The following HNRNPA2B1 variants were observed in gnomAD, a reference collection of about 807,000 sequenced individuals.
HNRNPA2B1 encodes the protein heterogeneous nuclear ribonucleoproteins A2/B1.
In HNRNPA2B1, 3 loss-of-function variants were observed where a neutral mutation model predicts 46.3. That is an observed-to-expected ratio of 0.06 (90% CI 0.03 to 0.17). The LOEUF (loss-of-function observed/expected upper bound fraction) is 0.17. HNRNPA2B1 is among the 10% of genes least tolerant of loss of function. HNRNPA2B1 has a pLI of 1.00. For missense variants in HNRNPA2B1, 221 were observed against 418.9 expected (o/e 0.53, Z 4.12); for synonymous variants, 225 against 133.8 (o/e 1.68, Z -4.70).
chr7:26,195,285 G>C lies in HNRNPA2B1; in HGVS notation c.721+562C>G, dbSNP rs1024688301. ...AGAAATCAAGTCTATTACCAGCTCAGTTTTAAATGTCCCTTGTTACAAAAT... is the reference window on the plus strand; with the variant it reads ...AGAAATCAAGTCTATTACCAGCTCACTTTTAAATGTCCCTTGTTACAAAAT... On this transcript the variant is annotated intron_variant, in intron 7 of 10. Coordinates refer to ENST00000618183, the MANE Select transcript of HNRNPA2B1 (RefSeq NM_002137.4). Among the ~76,000 whole-genome samples the C allele has an allele frequency of 2.6e-5, 4 of 152,246 alleles. No individual in the cohort carries two copies. The South Asian group carries it at 6.2e-4, about 24-fold the overall frequency.
rs1439633144 is a variant in HNRNPA2B1, at chr7:26,189,974, C to T, written c.*2386G>A. The stretch of plus-strand genomic sequence containing the variant: ...TTTATTGGGGACAGCCAATAATGTC[C>T]ACAATGCTCTTCTCATTTACCTGTT... On this transcript the variant is annotated 3_prime_UTR_variant, in exon 11 of 11. Transcript: ENST00000618183. The T allele has an allele frequency of 2.0e-5, 3 of 152,140 alleles. No individual in the cohort carries two copies. Among genetic ancestry groups the T allele is most frequent in the Non-Finnish European group, 4.4e-5 (3 of 68,016 alleles). 9.4% of individuals were successfully genotyped at this position (152,140 alleles called of 1,614,324 possible). A position where few individuals can be genotyped will look rare whatever the true frequency, so the allele number is the denominator to read the frequency against.
chr7:26,197,032 G>A lies in HNRNPA2B1; in HGVS notation c.265-15C>T, dbSNP rs780521053. ...TTTCCAGATTCCTAAAATAGTGGTG[G>A]GGTAAAAGTCATCCAAACAGAAAAA... is the stretch of plus-strand genomic sequence containing the variant. On this transcript the variant is annotated splice_polypyrimidine_tract_variant and intron_variant, in intron 3 of 10. Coordinates refer to ENST00000618183, the MANE Select transcript of HNRNPA2B1 (RefSeq NM_002137.4). 5.7e-6 allele frequency: 9 copies of A among 1,587,952 alleles called. No homozygotes were observed. Among genetic ancestry groups the A allele is most frequent in the Non-Finnish European group, 4.3e-6 (5 of 1,161,668 alleles).
chr7:26,197,857 C>T, intron 1 of HNRNPA2B1, 125 bp from the exon 2 acceptor site: 1 of 1,594,156 alleles, frequency 6.3e-7, no homozygotes, highest in Non-Finnish European at 8.5e-7. Flanking sequence ...GGAACAGTTT[C>T]TAAAGTTTTC....
chr7:26,200,366 A>G, intron 1 of HNRNPA2B1: 1 of 634,096 alleles, frequency 1.6e-6, no homozygotes, highest in South Asian at 1.8e-5. Context: ...GTGAAGGGAA[A>G]TGGCGCCGGG....
chr7:26,193,265 C>A lies in HNRNPA2B1; in HGVS notation c.950G>T (p.Gly317Val). 3 of 1,612,470 alleles carry A rather than the reference C, an allele frequency of 1.9e-6. No individual in the cohort carries two copies. Among genetic ancestry groups the A allele is most frequent in the Non-Finnish European group, 2.5e-6 (3 of 1,179,064 alleles). ...TTATAAATTACCTCCACCATATGGT[C>A]CCCCCATGTTCCTGCTACCACCAAA... ...GNFGGSRNMG[G>V]PYGGGNYGPG... Residue 317 changes from glycine (G) to valine (V), a missense_variant, in exon 9 of 11, where the codon GGA becomes GTA. Transcript: ENST00000618183.
intron 1 of HNRNPA2B1, chr7:26,198,198 T>C (rs1476770189): frequency 4.8e-6 from 1 of 209,692 alleles, no homozygotes; most frequent in Admixed American, 5.8e-5. Flanking sequence ...AAAGTTTTTA[T>C]TTCACTATTC....
At chr7:26,194,877 C>T (rs1371361377) in intron 7 of HNRNPA2B1, among the ~76,000 whole-genome samples, 4 of 151,442 alleles carry the variant, frequency 2.6e-5, no homozygotes, top group African/African-American at 4.9e-5. Context: ...GGGCAGTTCA[C>T]GAGGTCAGGA....
At chr7:26,196,185 A>G (rs907218524) in intron 6 of HNRNPA2B1, among the ~76,000 whole-genome samples, 2 of 152,234 alleles carry the variant, frequency 1.3e-5, no homozygotes, top group African/African-American at 4.8e-5. Context: ...ATGACACTTC[A>G]TGTTACATTA....
In HNRNPA2B1 at chr7:26,196,544, G is replaced by GA. The variant is rs1562713809; in HGVS notation, c.577+12dup. On this transcript the variant is annotated intron_variant, in intron 5 of 10. Coordinates refer to ENST00000618183, the MANE Select transcript of HNRNPA2B1 (RefSeq NM_002137.4). The stretch of plus-strand genomic sequence containing the variant: ...TATGAACAAAAATAAAGAAGAAACA[G>GA]AATTAAAATTACCTCCTCTTCCACT... 6.2e-7 allele frequency: 1 copy of GA among 1,611,806 alleles called. No individual in the cohort carries two copies. Among genetic ancestry groups the GA allele is most frequent in the Admixed American group, 1.7e-5 (1 of 59,892 alleles).
intron 1 of HNRNPA2B1, chr7:26,198,742 G>A (rs1029545415): frequency 1.3e-5 from 2 of 152,244 alleles, no homozygotes; most frequent in East Asian, 1.9e-4. Flanking sequence ...CCTCAAACGA[G>A]AGAAAGTGAT....
intron 9 of HNRNPA2B1, 22 bp from the exon 10 acceptor site, chr7:26,192,599 G>C: frequency 6.2e-7 from 1 of 1,605,546 alleles, no homozygotes; most frequent in Non-Finnish European, 8.5e-7. Flanking sequence ...GGAACAGCAA[G>C]AGAAAACAAA....
At chr7:26,198,095 A>C in intron 1 of HNRNPA2B1, 1 of 371,874 alleles carries the variant, frequency 2.7e-6, no homozygotes, top group Non-Finnish European at 4.7e-6. Flanking sequence ...TTATTAAAGA[A>C]TCTTTACCAA....
At chr7:26,198,969 A>T (rs1426634824) in intron 1 of HNRNPA2B1, 1 of 152,186 alleles carries the variant, frequency 6.6e-6, no homozygotes, top group Non-Finnish European at 1.5e-5. Context: ...CGTAAAAATT[A>T]AAGAAAAAAT....
intron 9 of HNRNPA2B1, among the ~76,000 whole-genome samples, 160 bp downstream of exon 9, chr7:26,193,091 T>C (rs1783096169): frequency 6.6e-6 from 1 of 152,152 alleles, no homozygotes; most frequent in South Asian, 2.1e-4. Context: ...TGCTGAGTAC[T>C]TCTGTGGAGA....
rs1209456144 is a variant in HNRNPA2B1 at position 26,190,319 on chromosome 7, A to G, written c.*2041T>C. 2 of 152,628 alleles carry G rather than the reference A, an allele frequency of 1.3e-5. No homozygotes were observed. The highest frequency in any genetic ancestry group is 4.8e-5 in the African/African-American group (2 of 41,452). The allele number at this position is 152,628 out of a possible 1,614,324, so 9.5% of individuals were successfully genotyped here. A position where few individuals can be genotyped will look rare whatever the true frequency, so the allele number is the denominator to read the frequency against. On this transcript the variant is annotated 3_prime_UTR_variant, in exon 11 of 11. Transcript: ENST00000618183. ...CAACTAAATGTTTGTTTTATCAGAA[A>G]ACATTTCCCTTTTATTTTAAAGAGT...
intron 2 of HNRNPA2B1, 62 bp from the exon 3 acceptor site, chr7:26,197,523 A>T (rs1206213665): frequency 3.1e-6 from 5 of 1,587,838 alleles, no homozygotes; most frequent in South Asian, 2.2e-5. Flanking sequence ...GTGAAGTCAT[A>T]ATAGAATTTT....
intron 1 of HNRNPA2B1, chr7:26,198,000 CAACATT>C: frequency 2.0e-6 from 1 of 497,898 alleles, no homozygotes; most frequent in Non-Finnish European, 3.5e-6. Context: ...TAAATTTACT[CAACATT>C]AAATTATCTT....
chr7:26,195,747 A>G, intron 7 of HNRNPA2B1, 100 bp downstream of exon 7: 5 of 1,309,068 alleles, frequency 3.8e-6, no homozygotes, highest in Non-Finnish European at 5.2e-6. Context: ...TATAGACACT[A>G]ATATAAAATG....
At chr7:26,196,015 C>CA in intron 6 of HNRNPA2B1, 106 bp from the exon 7 acceptor site, 1 of 1,398,298 alleles carries the variant, frequency 7.2e-7, no homozygotes, top group Non-Finnish European at 9.5e-7. Flanking sequence ...TTAAGAACCG[C>CA]AGAAAAGGAC....
Sources: allele counts gnomAD v4.1 joint callset (sites outside exome capture counted in the v4.1 genomes callset), GRCh38; gene constraint gnomAD v4.1.1; transcripts MANE v1.5; gene names NCBI Gene and HGNC (gene_info 2026-07-23, HGNC 2026-07-21).